Variants in EXOC6B observed in about 807,000 individuals in gnomAD.
EXOC6B encodes the protein exocyst complex component 6B.
EXOC6B carries 54 observed loss-of-function variants against 113.5 expected under a neutral mutation model. The observed-to-expected ratio is 0.48, with a 90% CI of 0.38 to 0.60. EXOC6B has a LOEUF of 0.60. Among genes scored for constraint, EXOC6B ranks in the 20% least tolerant of loss-of-function variants. The pLI is 0.00. For synonymous variants in EXOC6B, 357 were observed against 339.0 expected (o/e 1.05, Z -0.58); for missense variants, 797 against 977.5 (o/e 0.82, Z 2.46).
chr2:72,369,892 T>C (rs918685814), intron 19 of EXOC6B, among the ~76,000 whole-genome samples: 3 of 149,850 alleles, frequency 2.0e-5, no homozygotes, highest in Non-Finnish European at 2.9e-5. Flanking sequence ...ATGTTAGACC[T>C]AAAACCATAA....
At chr2:72,574,720 A>G (rs1704726106) in intron 7 of EXOC6B, among the ~76,000 whole-genome samples, 1 of 152,222 alleles carries the variant, frequency 6.6e-6, no homozygotes, top group African/African-American at 2.4e-5. Context: ...CAGAATTTGA[A>G]TACAGTCAGA....
chr2:72,401,276 G>C (rs1014069028), intron 18 of EXOC6B, among the ~76,000 whole-genome samples: 7 of 150,022 alleles, frequency 4.7e-5, no homozygotes, highest in Admixed American at 1.3e-4. Context: ...AGCCTGGCCA[G>C]TGTGGTGAAA....
Position 72,325,669 on chromosome 2 carries a change from C to T in EXOC6B, c.2196+9278G>A, listed in dbSNP as rs540467501. Among the ~76,000 whole-genome samples, 6 of 152,052 alleles carry T rather than the reference C, an allele frequency of 3.9e-5. No individual in the cohort carries two copies. The South Asian group carries it at 1.2e-3, about 32-fold the overall frequency. On this transcript the variant is annotated intron_variant, in intron 20 of 21. Coordinates refer to ENST00000272427, the MANE Select transcript of EXOC6B (RefSeq NM_015189.3). ...CACAAACTCTCGAGGGAAGAACCCT[C>T]AAAGAGGTCCAGAAGCAACCTGATT... is the stretch of plus-strand genomic sequence containing the variant.
chr2:72,484,156 T>C (rs79321710), intron 16 of EXOC6B, among the ~76,000 whole-genome samples: 1 of 151,674 alleles, frequency 6.6e-6, no homozygotes, highest in African/African-American at 2.4e-5. Context: ...TTTTTTTTTT[T>C]CAATTTTACA....
intron 1 of EXOC6B, among the ~76,000 whole-genome samples, chr2:72,780,453 T>C (rs763128996): frequency 2.0e-5 from 3 of 152,222 alleles, no homozygotes; most frequent in Non-Finnish European, 4.4e-5. Flanking sequence ...CTTCTATTTA[T>C]CTTCAGAACA....
At chr2:72,627,322 A>G (rs942980285) in intron 6 of EXOC6B, among the ~76,000 whole-genome samples, 8 of 152,122 alleles carry the variant, frequency 5.3e-5, no homozygotes, top group Non-Finnish European at 8.8e-5. Flanking sequence ...CATATTAAAA[A>G]CACTCTGCAT....
intron 19 of EXOC6B, 42 bp from the exon 20 acceptor site, chr2:72,335,062 C>A: frequency 1.3e-6 from 2 of 1,565,642 alleles, no homozygotes; most frequent in South Asian, 2.2e-5. Context: ...TTTAACTAAC[C>A]ATGGACAGGG....
intron 6 of EXOC6B, among the ~76,000 whole-genome samples, chr2:72,678,508 G>C (rs549565904): frequency 6.6e-6 from 1 of 152,092 alleles, no homozygotes; most frequent in Non-Finnish European, 1.5e-5. Flanking sequence ...GGAGTTGGAG[G>C]CCTCTTGGCC....
At chr2:72,707,497 TCCGCCTC>T (rs1261164941) in intron 6 of EXOC6B, among the ~76,000 whole-genome samples, 1 of 151,688 alleles carries the variant, frequency 6.6e-6, no homozygotes, top group African/African-American at 2.4e-5. Context: ...CACTGCAACC[TCCGCCTC>T]CCAGGTTCAA....
At chr2:72,483,900 C>T (rs952920470) in intron 16 of EXOC6B, among the ~76,000 whole-genome samples, 1 of 152,094 alleles carries the variant, frequency 6.6e-6, no homozygotes, top group East Asian at 1.9e-4. Flanking sequence ...CCAAACTGTC[C>T]TAAACATTAT....
chr2:72,320,809 TA>T (rs1313234770), intron 20 of EXOC6B, among the ~76,000 whole-genome samples: 1 of 152,124 alleles, frequency 6.6e-6, no homozygotes, highest in Non-Finnish European at 1.5e-5. Flanking sequence ...CCAGAACATA[TA>T]AAAAACTTTC....
chr2:72,686,891 C>T (rs939024667), intron 6 of EXOC6B, among the ~76,000 whole-genome samples: 1 of 152,142 alleles, frequency 6.6e-6, no homozygotes, highest in Non-Finnish European at 1.5e-5. Flanking sequence ...GTAATCCCAG[C>T]ACTTTGGGAG....
chr2:72,485,195 A>G (rs963446482), intron 16 of EXOC6B, among the ~76,000 whole-genome samples: 7 of 152,232 alleles, frequency 4.6e-5, no homozygotes, highest in African/African-American at 1.7e-4. Context: ...GACAAACCCC[A>G]GAAAATATCT....
chr2:72,288,386 C>G (rs1295070738), intron 20 of EXOC6B, among the ~76,000 whole-genome samples: 1 of 151,932 alleles, frequency 6.6e-6, no homozygotes, highest in South Asian at 2.1e-4. Flanking sequence ...CACAGCAGCA[C>G]TATTTGTAAA....
At chr2:72,535,920 G>A (rs1702265384) in intron 8 of EXOC6B, among the ~76,000 whole-genome samples, 1 of 151,698 alleles carries the variant, frequency 6.6e-6, no homozygotes, top group African/African-American at 2.4e-5. Flanking sequence ...GTGTTTTATG[G>A]AAATTCTGTC....
chr2:72,599,557 A>C (rs1020846042), intron 6 of EXOC6B, among the ~76,000 whole-genome samples: 2 of 152,160 alleles, frequency 1.3e-5, no homozygotes, highest in African/African-American at 4.8e-5. Flanking sequence ...AATGCAATAA[A>C]GCAAGAAAAG....
At chr2:72,623,672 C>A (rs1445917645) in intron 6 of EXOC6B, among the ~76,000 whole-genome samples, 1 of 152,146 alleles carries the variant, frequency 6.6e-6, no homozygotes, top group Non-Finnish European at 1.5e-5. Flanking sequence ...CTGTCAATGA[C>A]CCAGCTGACC....
At chr2:72,489,232 TTTTG>T (rs1419301605) in intron 16 of EXOC6B, among the ~76,000 whole-genome samples, 1 of 152,240 alleles carries the variant, frequency 6.6e-6, no homozygotes, top group African/African-American at 2.4e-5. Context: ...GACTTAATTA[TTTTG>T]TTTATTATTT....
chr2:72,744,589 G>A (rs559975974), intron 1 of EXOC6B, among the ~76,000 whole-genome samples: 10 of 152,210 alleles, frequency 6.6e-5, no homozygotes, highest in African/African-American at 1.7e-4. Flanking sequence ...AAGAATCACC[G>A]AAAACTCCTC....
Sources: gnomAD v4.1 joint callset for allele counts (sites outside exome capture counted in the v4.1 genomes callset) on GRCh38, gnomAD v4.1.1 for gene constraint, MANE v1.5 for transcripts, NCBI Gene and HGNC (gene_info 2026-07-23, HGNC 2026-07-21) for gene names.